Variants in PCNX2 observed in about 807,000 individuals in gnomAD.
The protein encoded by PCNX2 is pecanex-like protein 2.
PCNX2 carries 168 observed loss-of-function variants against 223.8 expected under a neutral mutation model. The observed-to-expected ratio is 0.75, with a 90% CI of 0.66 to 0.85. PCNX2 has a LOEUF of 0.85. PCNX2 is among the 40% of genes least tolerant of loss of function. The probability of loss-of-function intolerance (pLI) is 0.00; values close to 1 mark genes in which losing one functional copy is unlikely to be tolerated. For missense variants in PCNX2, 2,507 were observed against 2,675.5 expected, an observed-to-expected ratio of 0.94 and a Z score of 1.39; for synonymous variants, 1,006 against 1,052.6, an observed-to-expected ratio of 0.96 and a Z score of 0.86.
In PCNX2 at chr1:233,198,993, G is replaced by A. The variant is rs748803863; in HGVS notation, c.3012C>T (p.Ala1004=). Reference sequence around the variant, plus strand: ...GCAGGGCGGCAGCCAAGACGCTCCGGGCCACACTGTAAACAGCCGAGGTTA... The same window carrying A: ...GCAGGGCGGCAGCCAAGACGCTCCGAGCCACACTGTAAACAGCCGAGGTTA... The part of the protein sequence containing the change: ...SGITSAVYSV[A]RSVLAAALLH... The change falls in exon 15 of 34, where the codon GCC becomes GCT. Residue 1004 remains alanine (A), a synonymous_variant. Transcript: ENST00000258229. 5.0e-6 allele frequency: 8 copies of A among 1,605,546 alleles called. No individual in the cohort carries two copies. The South Asian group carries it at 9.0e-5, about 18-fold the overall frequency.
chr1:233,093,516 A>T (rs1673993764), intron 22 of PCNX2, among the ~76,000 whole-genome samples: 1 of 152,242 alleles, frequency 6.6e-6, no homozygotes, highest in Non-Finnish European at 1.5e-5. Context: ...CTGACACTTA[A>T]TAACTTAATA....
At position 233,258,852 on chromosome 1, in the gene PCNX2, C is replaced by G; in HGVS notation, c.1010G>C (p.Cys337Ser). 6.2e-7 allele frequency: 1 copy of G among 1,613,922 alleles called. No homozygotes were observed. The change falls in exon 5 of 34, where the codon TGC (cysteine) becomes TCC (serine). Residue 337 changes from cysteine (C) to serine (S), a missense_variant. Physicochemically the swap from Cys to Ser is moderately radical, Grantham distance 112. Coordinates refer to ENST00000258229, the MANE Select transcript of PCNX2 (RefSeq NM_014801.4). ...ADTSCQVDTS[C>S]QGDLPLHQEV... ...CTGGTGCAAGGGCAGGTCCCCCTGGCAGGAGGTATCTACCTGACAGGATGT... is the reference window on the plus strand; with the variant it reads ...CTGGTGCAAGGGCAGGTCCCCCTGGGAGGAGGTATCTACCTGACAGGATGT...
chr1:233,041,497 A>G (rs78749123), intron 25 of PCNX2, among the ~76,000 whole-genome samples: 12,681 of 152,216 alleles, frequency 0.083, 584 homozygotes, highest in African/African-American at 0.12. Context: ...GGCCATTTAT[A>G]AAAGTCACCC....
Position 233,133,907 on chromosome 1 carries a change from TGGTGGGGTG to T in PCNX2, c.3837+1097_3837+1105del, listed in dbSNP as rs531518137. On this transcript the variant is annotated intron_variant, in intron 21 of 33. Coordinates refer to ENST00000258229, the MANE Select transcript of PCNX2 (RefSeq NM_014801.4). ...AAAAAACAAAGAAATTCACGTGCAATGGTGGGGTGGTGGGAATTACTTATGAGGCCTCTT... is the reference window on the plus strand; with the variant it reads ...AAAAAACAAAGAAATTCACGTGCAATGTGGGAATTACTTATGAGGCCTCTT... Among the ~76,000 whole-genome samples, 322 of 151,944 alleles carry T rather than the reference TGGTGGGGTG, an allele frequency of 2.1e-3. 1 individual carries two copies. Among genetic ancestry groups the T allele is most frequent in the Middle Eastern group, 6.8e-3 (2 of 292 alleles).
intron 26 of PCNX2, among the ~76,000 whole-genome samples, chr1:233,018,113 C>A (rs1670748693): frequency 6.6e-6 from 1 of 152,210 alleles, no homozygotes; most frequent in African/African-American, 2.4e-5. Context: ...GCCTTGAACT[C>A]CTGGGCTCAA....
At chr1:233,169,264 A>C (rs1307851759) in intron 17 of PCNX2, among the ~76,000 whole-genome samples, 1 of 152,064 alleles carries the variant, frequency 6.6e-6, no homozygotes, top group Non-Finnish European at 1.5e-5. Context: ...TATGGATCCT[A>C]AGTCTGAAAA....
intron 23 of PCNX2, among the ~76,000 whole-genome samples, chr1:233,087,435 G>T (rs1673661116): frequency 1.3e-5 from 2 of 152,154 alleles, no homozygotes; most frequent in African/African-American, 4.8e-5. Context: ...AAATTAAACA[G>T]GATAAATGAC....
At position 233,293,778 on chromosome 1, in the gene PCNX2, T is replaced by C. The variant is rs553723747; in HGVS notation, c.153+1548A>G. ...CACCCTATAAGGGAGGTACTGTAAT[T>C]ATCCCTGCTTTACAAACAAGGAAGG... On this transcript the variant is annotated intron_variant, in intron 1 of 33. Transcript: ENST00000258229. Among the ~76,000 whole-genome samples the C allele has an allele frequency of 8.5e-5, 13 of 152,334 alleles. No individual in the cohort carries two copies. The South Asian group carries it at 2.7e-3, about 32-fold the overall frequency.
In PCNX2 at chr1:233,160,629, G is replaced by A. The variant is rs74145086; in HGVS notation, c.3367-196C>T. Among the ~76,000 whole-genome samples the A allele has an allele frequency of 4.4e-3, 597 of 134,696 alleles. 2 individuals are homozygous for A. Among genetic ancestry groups the A allele is most frequent in the African/African-American group, 0.015 (559 of 36,440 alleles). The allele number at this position is 134,696 out of a possible 152,430, so 88.4% of individuals were successfully genotyped here. A position where few individuals can be genotyped will look rare whatever the true frequency, so the allele number is the denominator to read the frequency against. On this transcript the variant is annotated intron_variant, in intron 18 of 33. Transcript: ENST00000258229. The stretch of plus-strand genomic sequence containing the variant: ...TTCATGTGTTGGAAACCACTATGAG[G>A]GTGAGGGAGAACTAGCCTATGGAAT...
At chr1:233,109,733 A>C (rs1675003812) in intron 21 of PCNX2, among the ~76,000 whole-genome samples, 1 of 152,242 alleles carries the variant, frequency 6.6e-6, no homozygotes, top group South Asian at 2.1e-4. Context: ...GAACCTCAGA[A>C]AGAGAAGAGG....
intron 15 of PCNX2, among the ~76,000 whole-genome samples, chr1:233,192,511 T>A (rs911922118): frequency 6.6e-6 from 1 of 152,124 alleles, no homozygotes; most frequent in African/African-American, 2.4e-5. Context: ...ATATTCTCAC[T>A]GCGAAATGAG....
the PCNX2 span, among the ~76,000 whole-genome samples, chr1:233,313,906 G>A: frequency 2.0e-5 from 3 of 152,194 alleles, no homozygotes; most frequent in African/African-American, 7.2e-5. Flanking sequence ...AGGTGCTGGT[G>A]GGAGTGTAAA....
intron 23 of PCNX2, among the ~76,000 whole-genome samples, chr1:233,074,673 A>G (rs1673016137): frequency 6.6e-6 from 1 of 151,754 alleles, no homozygotes; most frequent in Non-Finnish European, 1.5e-5. Context: ...TGCAAAACAT[A>G]TATCTAAGAG....
intron 13 of PCNX2, among the ~76,000 whole-genome samples, chr1:233,200,970 G>A (rs1681058717): frequency 7.0e-6 from 1 of 143,614 alleles, no homozygotes. Context: ...AGCTTGCAGT[G>A]AGCCGAGATT....
chr1:233,014,092 G>A (rs1301021739), intron 28 of PCNX2, among the ~76,000 whole-genome samples: 2 of 152,180 alleles, frequency 1.3e-5, no homozygotes, highest in Non-Finnish European at 2.9e-5. Context: ...GTGACACAGG[G>A]TGCCAAAGAG....
At chr1:233,273,581 C>T (rs72750090) in intron 1 of PCNX2, among the ~76,000 whole-genome samples, 1 of 151,926 alleles carries the variant, frequency 6.6e-6, no homozygotes, top group East Asian at 1.9e-4. Context: ...CAATAGGTTT[C>T]TGCTCCATCC....
chr1:233,016,789 T>C (rs1252579019), intron 27 of PCNX2, 132 bp downstream of exon 27: 8 of 1,441,406 alleles, frequency 5.6e-6, no homozygotes, highest in Non-Finnish European at 7.3e-6. Flanking sequence ...TAAACATCTG[T>C]CCAAATAGTG....
At chr1:233,216,782 A>G (rs888334335) in intron 12 of PCNX2, among the ~76,000 whole-genome samples, 10 of 152,190 alleles carry the variant, frequency 6.6e-5, no homozygotes, top group African/African-American at 2.4e-4. Flanking sequence ...ACTGTTCACA[A>G]TAGCCAAGAC....
chr1:233,211,971 A>AC, intron 12 of PCNX2: 1 of 190,742 alleles, frequency 5.2e-6, no homozygotes, highest in Non-Finnish European at 9.7e-6. Context: ...TTGCCCTGTG[A>AC]CATTATGGTC....
Sources: allele counts gnomAD v4.1 joint callset (sites outside exome capture counted in the v4.1 genomes callset), GRCh38; gene constraint gnomAD v4.1.1; transcripts MANE v1.5; gene names NCBI Gene and HGNC (gene_info 2026-07-23, HGNC 2026-07-21).